The following FKBP9 variants were observed in gnomAD, a reference collection of about 807,000 sequenced individuals.
FKBP9 encodes peptidyl-prolyl cis-trans isomerase FKBP9.
Under a neutral mutation model 55.6 loss-of-function variants are expected in FKBP9, and 27 were observed. That is an observed-to-expected ratio of 0.49 (90% CI 0.36 to 0.67). FKBP9 has a LOEUF of 0.67. Ranked by LOEUF, FKBP9 falls within the 30% of genes least tolerant of loss-of-function variation. The probability of loss-of-function intolerance (pLI) is 0.00; values close to 1 mark genes in which losing one functional copy is unlikely to be tolerated. For missense variants in FKBP9, 539 were observed against 742.8 expected, an observed-to-expected ratio of 0.73 and a Z score of 3.19; for synonymous variants, 267 against 296.5, an observed-to-expected ratio of 0.90 and a Z score of 1.02.
intron 1 of FKBP9, among the ~76,000 whole-genome samples, chr7:32,971,490 CT>C (rs1439213411): frequency 6.6e-6 from 1 of 151,776 alleles, no homozygotes; most frequent in Non-Finnish European, 1.5e-5. Flanking sequence ...TCTTTCTTTC[CT>C]TTCTTTCTTT....
At chr7:32,995,925 T>C (rs138321953) in intron 6 of FKBP9, among the ~76,000 whole-genome samples, 12,590 of 152,202 alleles carry the variant, frequency 0.083, 971 homozygotes, top group African/African-American at 0.19. Context: ...ACTGTGCTCA[T>C]TACAGGCTGT....
At chr7:32,976,265 T>G in intron 3 of FKBP9, 89 bp from the exon 4 acceptor site, 1 of 1,502,702 alleles carries the variant, frequency 6.7e-7, no homozygotes. Context: ...ATCGTTTAGC[T>G]GATATTTGGG....
intron 6 of FKBP9, 40 bp from the exon 7 acceptor site, chr7:32,996,123 T>C (rs776749257): frequency 6.3e-7 from 1 of 1,597,614 alleles, no homozygotes; most frequent in Non-Finnish European, 8.6e-7. Flanking sequence ...TGCTGCAGCC[T>C]GCAGGGGTCA....
intron 6 of FKBP9, among the ~76,000 whole-genome samples, chr7:32,994,726 A>G (rs1346763202): frequency 1.3e-5 from 2 of 151,920 alleles, no homozygotes; most frequent in African/African-American, 4.8e-5. Context: ...TTTAATGAGA[A>G]TTAAACAATA....
At chr7:32,980,675 A>C in intron 5 of FKBP9, 122 bp downstream of exon 5, 1 of 1,427,268 alleles carries the variant, frequency 7.0e-7, no homozygotes, top group South Asian at 1.5e-5. Context: ...TTCATCTCTA[A>C]TACAAGTTTC....
intron 1 of FKBP9, among the ~76,000 whole-genome samples, chr7:32,959,321 C>T (rs1460650793): frequency 6.6e-6 from 1 of 152,202 alleles, no homozygotes; most frequent in Non-Finnish European, 1.5e-5. Flanking sequence ...AGGAGAATGG[C>T]GTGAACCTGG....
chr7:32,969,889 G>C (rs1284379566), intron 1 of FKBP9, among the ~76,000 whole-genome samples: 3 of 152,014 alleles, frequency 2.0e-5, no homozygotes, highest in Non-Finnish European at 2.9e-5. Context: ...TGTAATCCCA[G>C]CTACTCAGGA....
intron 4 of FKBP9, among the ~76,000 whole-genome samples, chr7:32,977,910 C>CATATATATATACTCATAT (rs1554285582): frequency 2.0e-4 from 26 of 130,114 alleles, no homozygotes; most frequent in South Asian, 9.7e-4. Flanking sequence ...TATATATACT[C>CATATATATATACTCATAT]ATATATATAT....
chr7:32,971,960 A>C (rs890247324), intron 1 of FKBP9, among the ~76,000 whole-genome samples: 13 of 152,126 alleles, frequency 8.5e-5, no homozygotes, highest in African/African-American at 3.1e-4. Context: ...GTTAGTATTA[A>C]AAAGTTTTGT....
intron 6 of FKBP9, among the ~76,000 whole-genome samples, chr7:32,991,330 G>A (rs557009013): frequency 7.1e-4 from 108 of 152,104 alleles, no homozygotes; most frequent in African/African-American, 2.5e-3. Flanking sequence ...GTTGCTGTGG[G>A]AGGAGGGCAC....
intron 1 of FKBP9, among the ~76,000 whole-genome samples, chr7:32,971,914 T>A (rs1246878435): frequency 6.6e-6 from 1 of 152,228 alleles, no homozygotes; most frequent in African/African-American, 2.4e-5. Context: ...AGTTTGCTAC[T>A]GTGCCCAATA....
At chr7:32,991,666 G>C (rs1191315601) in intron 6 of FKBP9, among the ~76,000 whole-genome samples, 1 of 151,906 alleles carries the variant, frequency 6.6e-6, no homozygotes, top group Non-Finnish European at 1.5e-5. Context: ...GAGGGGAAAG[G>C]GTAGGCCTCC....
At chr7:32,971,236 A>C (rs995934475) in intron 1 of FKBP9, among the ~76,000 whole-genome samples, 5 of 152,244 alleles carry the variant, frequency 3.3e-5, no homozygotes, top group African/African-American at 1.2e-4. Flanking sequence ...ATCAGAATAA[A>C]TTTGTTCAGA....
Position 32,975,200 on chromosome 7 carries a change from A to C in FKBP9, c.386A>C (p.Asn129Thr), listed in dbSNP as rs1178489962. ...NEGVSGVIPP[N>T]SVLHFDVLLM... ...TTTCTAGCTGGTGTGATCCCCCCCA[A>C]TTCAGTGCTTCATTTTGATGTACTT... Residue 129 changes from asparagine (N) to threonine (T), a missense_variant, in exon 3 of 10, where the codon AAT becomes ACT. By Grantham distance (65) the Asn-to-Thr change is moderately conservative (BLOSUM62 0). Around this residue, in one of 4 missense-constraint regions of FKBP9, gnomAD observed 236 missense variants for 271.5 expected, o/e 0.87. Transcript: ENST00000242209. 1.2e-6 allele frequency: 2 copies of C among 1,613,466 alleles called. No homozygotes were observed. Among genetic ancestry groups the C allele is most frequent in the Admixed American group, 1.7e-5 (1 of 59,990 alleles).
In FKBP9 at chr7:32,966,872, A is replaced by C. The variant is rs368876359; in HGVS notation, c.222-7745A>C. ...AAGCAGATCTGTGAACTCATTCATC[A>C]CCGAGGGGATGGCGCTAAGCCCTCC... On this transcript the variant is annotated intron_variant, in intron 1 of 9. Coordinates refer to ENST00000242209, the MANE Select transcript of FKBP9 (RefSeq NM_007270.5). Among the ~76,000 whole-genome samples, 65 of 152,306 alleles carry C rather than the reference A, an allele frequency of 4.3e-4. No homozygotes were observed. In the South Asian group the frequency reaches 7.7e-3, roughly 18 times the overall value.
intron 1 of FKBP9, among the ~76,000 whole-genome samples, chr7:32,969,864 A>G (rs1354177546): frequency 5.3e-5 from 8 of 152,006 alleles, no homozygotes; most frequent in Non-Finnish European, 1.0e-4. Flanking sequence ...TTAGCCAGGC[A>G]TGGTGGCGGG....
At chr7:32,992,299 TCAGAGGAAACTGACTCTCTG>T (rs1485071310) in intron 6 of FKBP9, among the ~76,000 whole-genome samples, 1 of 8,122 alleles carries the variant, frequency 1.2e-4, no homozygotes, top group East Asian at 3.6e-3. Context: ...CCCACCCCCC[TCAGAGGAAACTGACTCTCTG>T]CAGAGGAAAC....
At chr7:32,985,399 A>T (rs1215029972) in intron 5 of FKBP9, among the ~76,000 whole-genome samples, 2 of 151,584 alleles carry the variant, frequency 1.3e-5, no homozygotes, top group Non-Finnish European at 2.9e-5. Flanking sequence ...CGGGCTGGTC[A>T]CGAACTCCTG....
chr7:32,990,470 G>A (rs182724467), intron 6 of FKBP9, among the ~76,000 whole-genome samples: 165 of 152,294 alleles, frequency 1.1e-3, no homozygotes, highest in Middle Eastern at 3.4e-3. Context: ...AAGCCAACAA[G>A]TTTGTGGTAT....
Sources: allele counts gnomAD v4.1 joint callset (sites outside exome capture counted in the v4.1 genomes callset), GRCh38; gene constraint gnomAD v4.1.1; regional missense constraint gnomAD v4.1.1; transcripts MANE v1.5; gene names NCBI Gene and HGNC (gene_info 2026-07-23, HGNC 2026-07-21).